The following CSMD1 variants were observed in gnomAD, a reference collection of about 807,000 sequenced individuals.
CSMD1 encodes CUB and Sushi multiple domains 1, also known as CUB and sushi domain-containing protein 1.
Under a neutral mutation model 417.5 loss-of-function variants are expected in CSMD1, and 213 were observed. The observed-to-expected ratio is 0.51, with a 90% CI of 0.46 to 0.57. CSMD1 has a LOEUF of 0.57. CSMD1 is among the 20% of genes least tolerant of loss of function. The pLI is 0.00. For missense variants in CSMD1, 6,923 were observed against 4,529.7 expected (o/e 1.53, Z -15.17); for synonymous variants, 2,862 against 1,736.8 (o/e 1.65, Z -16.11).
At chr8:3,919,180 T>C (rs1809043342) in intron 5 of CSMD1, among the ~76,000 whole-genome samples, 1 of 66,300 alleles carries the variant, frequency 1.5e-5, no homozygotes, top group Admixed American at 2.4e-4. Flanking sequence ...TTTCGTGTCA[T>C]ATCCAAAAAA....
intron 3 of CSMD1, among the ~76,000 whole-genome samples, chr8:4,090,302 GGT>G (rs1183061068): frequency 1.3e-5 from 2 of 152,122 alleles, no homozygotes. Context: ...AAAGCCACTA[GGT>G]AATATCGTTT....
chr8:4,640,891 C>G (rs575344247), intron 1 of CSMD1, among the ~76,000 whole-genome samples: 3 of 147,102 alleles, frequency 2.0e-5, no homozygotes, highest in African/African-American at 7.5e-5. Context: ...GTCTAATGGT[C>G]TTCTTCCTCC....
intron 5 of CSMD1, among the ~76,000 whole-genome samples, chr8:3,834,339 AG>A (rs1802547389): frequency 6.6e-6 from 1 of 152,038 alleles, no homozygotes; most frequent in African/African-American, 2.4e-5. Context: ...CACTGCTTAT[AG>A]GTAAGGTGGG....
chr8:4,821,365 A>G (rs962533414), intron 1 of CSMD1, among the ~76,000 whole-genome samples: 15 of 152,164 alleles, frequency 9.9e-5, no homozygotes. Flanking sequence ...AAATAGCTCC[A>G]AAGAGGTGCG....
In CSMD1 at chr8:3,214,522, C is replaced by T; in HGVS notation, c.4842G>A (p.Trp1614Ter). ...CVIGADGKPS[W>*]DQVLPSCNAP... ...CATTGCAGGAGGGCAGCACTTGGTC[C>T]CAGGAGGGTTTCCCATCAGCCCCAA... The change falls in exon 30 of 70, where the codon TGG becomes TGA. Residue 1614 changes from tryptophan (W) to a stop codon, truncating the protein, a stop_gained. Coordinates refer to ENST00000635120, the MANE Select transcript of CSMD1 (RefSeq NM_033225.6). LOFTEE classifies it high-confidence loss of function. 1 of 1,599,218 alleles carries T rather than the reference C, an allele frequency of 6.3e-7. No homozygotes were observed. Among genetic ancestry groups the T allele is most frequent in the Non-Finnish European group, 8.5e-7 (1 of 1,172,740 alleles).
intron 33 of CSMD1, among the ~76,000 whole-genome samples, chr8:3,191,897 C>G (rs968351357): frequency 6.6e-6 from 1 of 152,286 alleles, no homozygotes; most frequent in South Asian, 2.1e-4. Context: ...TTTCTTCATC[C>G]TAAATGCACA....
chr8:3,683,123 C>T lies in CSMD1; in HGVS notation c.1009+25291G>A, dbSNP rs530582883. 2.2e-4 allele frequency among the ~76,000 whole-genome samples: 33 copies of T among 151,972 alleles called. No individual in the cohort carries two copies. The South Asian group carries it at 6.6e-3, about 31-fold the overall frequency. On this transcript the variant is annotated intron_variant, in intron 7 of 69. Coordinates refer to ENST00000635120, the MANE Select transcript of CSMD1 (RefSeq NM_033225.6). The stretch of plus-strand genomic sequence containing the variant: ...ATGACAAGCTAATGGGTGCAGCACA[C>T]CAACATGGCACATGTATACATATGT...
chr8:3,026,973 G>C (rs1428836978), intron 51 of CSMD1, among the ~76,000 whole-genome samples: 1 of 152,098 alleles, frequency 6.6e-6, no homozygotes, highest in Non-Finnish European at 1.5e-5. Flanking sequence ...AGAGGAGAAA[G>C]CGGCCATTAA....
At chr8:4,000,957 A>C (rs1282485777) in intron 4 of CSMD1, among the ~76,000 whole-genome samples, 1 of 152,124 alleles carries the variant, frequency 6.6e-6, no homozygotes, top group African/African-American at 2.4e-5. Flanking sequence ...ATGACATATT[A>C]ATTGAAATCC....
intron 5 of CSMD1, among the ~76,000 whole-genome samples, chr8:3,973,877 G>C (rs972652827): frequency 2.0e-5 from 3 of 152,176 alleles, no homozygotes; most frequent in Non-Finnish European, 4.4e-5. Context: ...AACTATGGTA[G>C]ATGAATATAT....
At chr8:3,441,229 C>A (rs1272447070) in intron 12 of CSMD1, among the ~76,000 whole-genome samples, 3 of 152,006 alleles carry the variant, frequency 2.0e-5, no homozygotes, top group African/African-American at 7.2e-5. Flanking sequence ...TTTGCTGACA[C>A]CTTGATTTTG....
intron 17 of CSMD1, among the ~76,000 whole-genome samples, chr8:3,391,631 C>A (rs1347531829): frequency 6.6e-6 from 1 of 152,154 alleles, no homozygotes; most frequent in African/African-American, 2.4e-5. Context: ...TTTGCTTTTA[C>A]AAAAGCCTCA....
At chr8:3,976,413 T>C (rs1477031407) in intron 5 of CSMD1, among the ~76,000 whole-genome samples, 1 of 152,218 alleles carries the variant, frequency 6.6e-6, no homozygotes, top group Non-Finnish European at 1.5e-5. Flanking sequence ...TCTACTAGCA[T>C]GAGCTTCATC....
chr8:3,094,979 G>A (rs1815197933), intron 47 of CSMD1, among the ~76,000 whole-genome samples: 1 of 152,098 alleles, frequency 6.6e-6, no homozygotes, highest in African/African-American at 2.4e-5. Flanking sequence ...AATTTTGACA[G>A]CAAGTATTAT....
At chr8:3,069,383 C>T (rs2128997571) in intron 49 of CSMD1, among the ~76,000 whole-genome samples, 1 of 150,886 alleles carries the variant, frequency 6.6e-6, no homozygotes, top group Admixed American at 6.6e-5. Context: ...TGCAGTGAGC[C>T]AAGATCACAC....
chr8:3,386,087 A>C (rs932287816), intron 18 of CSMD1, among the ~76,000 whole-genome samples: 2 of 152,186 alleles, frequency 1.3e-5, no homozygotes, highest in African/African-American at 2.4e-5. Flanking sequence ...ACAATGTCTA[A>C]ATTACCTTGG....
intron 26 of CSMD1, among the ~76,000 whole-genome samples, chr8:3,244,541 C>T (rs529922148): frequency 1.3e-5 from 2 of 152,124 alleles, no homozygotes; most frequent in African/African-American, 2.4e-5. Context: ...ACATCTGGGT[C>T]GCCTCTAACC....
chr8:3,701,487 C>A (rs1800864823), intron 7 of CSMD1, among the ~76,000 whole-genome samples: 1 of 146,046 alleles, frequency 6.8e-6, no homozygotes, highest in South Asian at 2.2e-4. Context: ...GCAAAAGACT[C>A]TTCAGGATAT....
chr8:4,818,124 G>A (rs1459245623), intron 1 of CSMD1, among the ~76,000 whole-genome samples: 2 of 152,066 alleles, frequency 1.3e-5, no homozygotes, highest in Non-Finnish European at 1.5e-5. Flanking sequence ...AAGTCGGGAA[G>A]CCTACTCGTA....
Sources: allele counts gnomAD v4.1 joint callset (sites outside exome capture counted in the v4.1 genomes callset), GRCh38; gene constraint gnomAD v4.1.1; transcripts MANE v1.5; gene names NCBI Gene and HGNC (gene_info 2026-07-23, HGNC 2026-07-21).